The following PEMT variants were observed in gnomAD, a reference collection of about 807,000 sequenced individuals.
The protein encoded by PEMT is phosphatidylethanolamine N-methyltransferase.
In PEMT, 23 loss-of-function variants were observed where a neutral mutation model predicts 27.4. That is an observed-to-expected ratio of 0.84 (90% confidence interval 0.60 to 1.19). The LOEUF (loss-of-function observed/expected upper bound fraction) is 1.19. PEMT is among the 50% of genes most tolerant of loss of function. The pLI is 0.00. For missense variants in PEMT, 307 were observed against 310.1 expected (o/e 0.99, Z 0.07); for synonymous variants, 137 against 139.1 (o/e 0.98, Z 0.11).
chr17:17,583,816 G>T (rs1231458657), intron 1 of PEMT, among the ~76,000 whole-genome samples: 1 of 152,240 alleles, frequency 6.6e-6, no homozygotes, highest in East Asian at 1.9e-4. Flanking sequence ...TCTGAGGTCA[G>T]GCAAGCCCTG....
At chr17:17,554,276 C>A (rs1271434748) in intron 2 of PEMT, among the ~76,000 whole-genome samples, 1 of 152,236 alleles carries the variant, frequency 6.6e-6, no homozygotes, top group African/African-American at 2.4e-5. Flanking sequence ...GGCCTCTGTC[C>A]CTCGGTAAAC....
chr17:17,546,852 G>A (rs536170024), intron 2 of PEMT, among the ~76,000 whole-genome samples: 5 of 152,380 alleles, frequency 3.3e-5, no homozygotes, highest in Non-Finnish European at 7.3e-5. Flanking sequence ...CACAGCTGCA[G>A]TCAAAGCAAA....
At chr17:17,591,398 G>GCCCCCCCCCCCCCCCC in intron 1 of PEMT, 133 bp downstream of exon 1, 1 of 333,626 alleles carries the variant, frequency 3.0e-6, no homozygotes, top group South Asian at 3.5e-5. Context: ...CCCCACCCCC[G>GCCCCCCCCCCCCCCCC]CCACGCCACG....
intron 5 of PEMT, chr17:17,507,277 G>A: frequency 8.2e-7 from 1 of 1,218,536 alleles, no homozygotes; most frequent in Non-Finnish European, 1.2e-6. Flanking sequence ...GGGCACAGAG[G>A]GCGCATGGGC....
At chr17:17,507,280 G>T in intron 5 of PEMT, 1 of 1,167,028 alleles carries the variant, frequency 8.6e-7, no homozygotes, top group South Asian at 1.3e-5. Context: ...CACAGAGGGC[G>T]CATGGGCAGG....
intron 3 of PEMT, among the ~76,000 whole-genome samples, chr17:17,520,521 A>G (rs1004314348): frequency 6.6e-6 from 1 of 152,214 alleles, no homozygotes; most frequent in African/African-American, 2.4e-5. Flanking sequence ...AGTCTTCTCT[A>G]CCCAGAGACT....
At chr17:17,545,123 A>C (rs1039593765) in intron 2 of PEMT, among the ~76,000 whole-genome samples, 1 of 152,124 alleles carries the variant, frequency 6.6e-6, no homozygotes, top group Non-Finnish European at 1.5e-5. Context: ...ACCCTATTTA[A>C]AACCTGACCT....
intron 1 of PEMT, among the ~76,000 whole-genome samples, chr17:17,591,143 C>G (rs561700921): frequency 1.4e-4 from 21 of 152,234 alleles, no homozygotes; most frequent in Non-Finnish European, 3.1e-4. Flanking sequence ...CACACACAGC[C>G]TCGGTCATAC....
chr17:17,547,467 G>A lies in PEMT; in HGVS notation c.205-25072C>T, dbSNP rs369433532. 2.8e-4 allele frequency among the ~76,000 whole-genome samples: 42 copies of A among 152,372 alleles called. 1 individual carries two copies. The highest frequency in any genetic ancestry group is 2.0e-3 in the Admixed American group (31 of 15,306). On this transcript the variant is annotated intron_variant, in intron 2 of 6. Transcript: ENST00000255389. The stretch of plus-strand genomic sequence containing the variant: ...GCTGGGAGAAAGAATAACCTGGAGC[G>A]AGGGCAGTCAGGGAGGTGACCTTCA...
intron 2 of PEMT, among the ~76,000 whole-genome samples, chr17:17,574,077 T>G (rs1185110406): frequency 6.6e-6 from 1 of 151,992 alleles, no homozygotes; most frequent in Non-Finnish European, 1.5e-5. Context: ...CCATTCCAGA[T>G]GCCGTCCGGA....
rs114883531 is a variant in PEMT at position 17,529,021 on chromosome 17, C to T, written c.205-6626G>A. Among the ~76,000 whole-genome samples the T allele has an allele frequency of 5.4e-3, 820 of 152,376 alleles. 10 individuals carry two copies. Among genetic ancestry groups the T allele is most frequent in the African/African-American group, 0.019 (779 of 41,588 alleles). On this transcript the variant is annotated intron_variant, in intron 2 of 6. Coordinates refer to ENST00000255389, the MANE Select transcript of PEMT (RefSeq NM_148172.3). Reference sequence around the variant, plus strand: ...TCCCAGCGGGGCCTGGACCCCTCTCCCTTCTCACCAGGGCTCATAGTGGAT... The same window carrying T: ...TCCCAGCGGGGCCTGGACCCCTCTCTCTTCTCACCAGGGCTCATAGTGGAT...
At chr17:17,509,113 G>A (rs555922085) in intron 5 of PEMT, among the ~76,000 whole-genome samples, 15 of 152,408 alleles carry the variant, frequency 9.8e-5, no homozygotes, top group Non-Finnish European at 2.2e-4. Context: ...TGGCGCCAAA[G>A]ACGCGCATCC....
At chr17:17,565,590 G>A (rs1038991051) in intron 2 of PEMT, among the ~76,000 whole-genome samples, 2 of 152,220 alleles carry the variant, frequency 1.3e-5, no homozygotes, top group African/African-American at 4.8e-5. Flanking sequence ...CTGCCTCTAG[G>A]GCAACTGATG....
intron 2 of PEMT, among the ~76,000 whole-genome samples, chr17:17,576,466 G>A (rs1320191845): frequency 1.3e-5 from 2 of 152,204 alleles, no homozygotes; most frequent in Non-Finnish European, 2.9e-5. Context: ...CCTCATGTGG[G>A]AAAAATAACC....
chr17:17,532,925 G>T (rs1474842728), intron 2 of PEMT, among the ~76,000 whole-genome samples: 1 of 152,238 alleles, frequency 6.6e-6, no homozygotes, highest in Non-Finnish European at 1.5e-5. Flanking sequence ...TACTCGTAAG[G>T]CTGAGGCAGG....
At position 17,553,885 on chromosome 17, in the gene PEMT, G is replaced by A. The variant is rs946714750; in HGVS notation, c.204+23035C>T. Among the ~76,000 whole-genome samples, 7 of 152,360 alleles carry A rather than the reference G, an allele frequency of 4.6e-5. No individual in the cohort carries two copies. The East Asian group carries it at 5.8e-4, about 13-fold the overall frequency. On this transcript the variant is annotated intron_variant, in intron 2 of 6. Coordinates refer to ENST00000255389, the MANE Select transcript of PEMT (RefSeq NM_148172.3). ...TCCCTGCCACGACAGGAGAGGAGCC[G>A]CACTTGGGGGAACCACTCGCCCTCC...
chr17:17,586,272 GAA>G (rs1912289201), intron 1 of PEMT, among the ~76,000 whole-genome samples: 1 of 107,952 alleles, frequency 9.3e-6, no homozygotes. Flanking sequence ...AAGAAAGAAA[GAA>G]AGAAAGAAAG....
chr17:17,506,809 T>C (rs527876596), intron 5 of PEMT, among the ~76,000 whole-genome samples: 77 of 152,270 alleles, frequency 5.1e-4, no homozygotes, highest in Middle Eastern at 3.4e-3. Context: ...TGCAACCCCA[T>C]GGCCACGCCC....
chr17:17,573,732 A>G (rs1365476237), intron 2 of PEMT, among the ~76,000 whole-genome samples: 4 of 152,172 alleles, frequency 2.6e-5, no homozygotes, highest in African/African-American at 9.7e-5. Context: ...AACTGCATTG[A>G]TAACTATTAA....
Sources: gnomAD v4.1 joint callset for allele counts (sites outside exome capture counted in the v4.1 genomes callset) on GRCh38, gnomAD v4.1.1 for gene constraint, MANE v1.5 for transcripts, NCBI Gene and HGNC (gene_info 2026-07-23, HGNC 2026-07-21) for gene names.